The following CHST3 variants were observed in gnomAD, a reference collection of about 807,000 sequenced individuals.
CHST3 encodes the protein C6ST-1.
A neutral mutation model predicts 35.4 loss-of-function variants in CHST3; 20 were observed. The ratio of observed to expected loss-of-function variants is 0.57; its 90% CI spans 0.40 to 0.82. CHST3 has a LOEUF of 0.82. Among genes scored for constraint, CHST3 ranks in the 40% least tolerant of loss-of-function variants. The pLI, the probability that CHST3 is intolerant of heterozygous loss-of-function variation, is 0.00. For missense variants in CHST3, 693 were observed against 670.1 expected (o/e 1.03, Z -0.38); for synonymous variants, 334 against 295.9 (o/e 1.13, Z -1.32).
At chr10:71,979,394 GGGAGAGGGGTTAGATGGCA>G (rs1186845333) in intron 1 of CHST3, among the ~76,000 whole-genome samples, 34 of 152,160 alleles carry the variant, frequency 2.2e-4, no homozygotes, top group African/African-American at 5.5e-4. Context: ...GTTAGATGGC[GGGAGAGGGGTTAGATGGCA>G]GGAGAGGGGT....
intron 1 of CHST3, among the ~76,000 whole-genome samples, chr10:71,988,730 T>C (rs533192437): frequency 6.6e-6 from 1 of 152,184 alleles, no homozygotes; most frequent in African/African-American, 2.4e-5. Context: ...TAATACACCC[T>C]ATCTATACAC....
chr10:72,002,577 T>C (rs970174256), intron 1 of CHST3, among the ~76,000 whole-genome samples: 19 of 152,354 alleles, frequency 1.2e-4, no homozygotes, highest in African/African-American at 4.3e-4. Context: ...TTGCACAGCA[T>C]GGTAGAGACA....
chr10:72,000,837 G>T (rs1046320507), intron 1 of CHST3, among the ~76,000 whole-genome samples: 1 of 152,030 alleles, frequency 6.6e-6, no homozygotes, highest in Non-Finnish European at 1.5e-5. Flanking sequence ...CATAGAAGAG[G>T]CTGGGCCTGA....
Position 72,010,588 on chromosome 10 carries a change from GTTTT to G in CHST3, c.*2122_*2125del, listed in dbSNP as rs1041474641. 6.6e-6 allele frequency: 1 copy of G among 152,050 alleles called. No homozygotes were observed. Among genetic ancestry groups the G allele is most frequent in the African/African-American group, 2.4e-5 (1 of 41,370 alleles). 9.4% of individuals were successfully genotyped at this position (152,050 alleles called of 1,614,324 possible). On this transcript the variant is annotated 3_prime_UTR_variant, in exon 3 of 3. Transcript: ENST00000373115. The stretch of plus-strand genomic sequence containing the variant: ...CATTCAAGGAGGTCTCCACTCTTGG[GTTTT>G]TTTTATTTTCTTTTCTTTTGCTATT...
intron 1 of CHST3, among the ~76,000 whole-genome samples, chr10:71,982,326 G>T (rs1839808338): frequency 6.6e-6 from 1 of 152,350 alleles, no homozygotes; most frequent in East Asian, 1.9e-4. Flanking sequence ...GCCATGGAAA[G>T]CAGATAGCCT....
chr10:71,997,002 T>A (rs547168845), intron 1 of CHST3, among the ~76,000 whole-genome samples: 1 of 152,284 alleles, frequency 6.6e-6, no homozygotes, highest in Admixed American at 6.5e-5. Context: ...AGCAATCTCC[T>A]GCCTCGGCCT....
intron 1 of CHST3, among the ~76,000 whole-genome samples, chr10:71,983,596 A>G (rs1022982355): frequency 1.3e-5 from 2 of 152,080 alleles, no homozygotes; most frequent in Non-Finnish European, 2.9e-5. Flanking sequence ...GATTATAAGC[A>G]CATGCCACGA....
Position 72,005,722 on chromosome 10 carries a change from C to A in CHST3, c.-107-14C>A. On this transcript the variant is annotated splice_polypyrimidine_tract_variant and intron_variant, in intron 1 of 2. Coordinates refer to ENST00000373115, the MANE Select transcript of CHST3 (RefSeq NM_004273.5). ...GTACAGACAAGGGTGTTCTGACCAC[C>A]TGTCTCTCCGCAGGACAAGGGTGTC... is the stretch of plus-strand genomic sequence containing the variant. The A allele has an allele frequency of 8.1e-7, 1 of 1,242,104 alleles. No homozygotes were observed. The allele number at this position is 1,242,104 out of a possible 1,614,324, so 76.9% of individuals were successfully genotyped here.
intron 1 of CHST3, among the ~76,000 whole-genome samples, chr10:71,993,914 AC>A (rs1269943059): frequency 3.3e-5 from 5 of 152,220 alleles, no homozygotes; most frequent in African/African-American, 1.2e-4. Context: ...AGCCTGGCCA[AC>A]ATGATGAAAC....
At chr10:71,987,271 C>T (rs541004790) in intron 1 of CHST3, among the ~76,000 whole-genome samples, 4 of 150,528 alleles carry the variant, frequency 2.7e-5, no homozygotes, top group East Asian at 1.9e-4. Context: ...GAAGTCAGGG[C>T]GGGAGCAGGA....
In CHST3 at chr10:72,008,315, G is replaced by A; in HGVS notation, c.1284G>A (p.Trp428Ter). 1.3e-6 allele frequency: 2 copies of A among 1,580,924 alleles called. No homozygotes were observed. Among genetic ancestry groups the A allele is most frequent in the Non-Finnish European group, 1.7e-6 (2 of 1,164,014 alleles). ...QKNSSEQFEKWRFSMPFKLAQ... is the reference protein window; with the variant it reads ...QKNSSEQFEK ...ACTCCTCGGAGCAGTTCGAGAAGTG[G>A]CGCTTCAGCATGCCCTTCAAGCTGG... The change falls in exon 3 of 3, where the codon TGG becomes TGA. Residue 428 changes from tryptophan (W) to a stop codon, truncating the protein, a stop_gained. Transcript: ENST00000373115. LOFTEE classifies it high-confidence loss of function.
intron 1 of CHST3, among the ~76,000 whole-genome samples, chr10:71,969,699 G>A (rs1256737859): frequency 2.0e-5 from 3 of 152,172 alleles, no homozygotes; most frequent in South Asian, 2.1e-4. Flanking sequence ...GTGGGGAGAA[G>A]CCACCCCACT....
intron 1 of CHST3, among the ~76,000 whole-genome samples, chr10:71,988,342 C>T (rs1839868801): frequency 6.6e-6 from 1 of 152,168 alleles, no homozygotes; most frequent in Non-Finnish European, 1.5e-5. Flanking sequence ...GGATATTTGT[C>T]CGCACCCAAA....
chr10:71,999,841 T>C (rs4148931), intron 1 of CHST3, among the ~76,000 whole-genome samples: 14,649 of 152,286 alleles, frequency 0.096, 718 homozygotes, highest in Admixed American at 0.15. Context: ...AAGCCTCACT[T>C]GCTGGGGCTT....
chr10:71,997,671 T>C (rs1489446936), intron 1 of CHST3, among the ~76,000 whole-genome samples: 1 of 150,366 alleles, frequency 6.7e-6, no homozygotes, highest in Non-Finnish European at 1.5e-5. Context: ...AGAGAGACCC[T>C]GTCTCCATAA....
intron 1 of CHST3, among the ~76,000 whole-genome samples, chr10:71,980,957 G>A (rs1839795898): frequency 6.6e-6 from 1 of 152,210 alleles, no homozygotes; most frequent in South Asian, 2.1e-4. Flanking sequence ...TTTATGCCTA[G>A]CCCTAGTTGA....
Position 72,011,999 on chromosome 10 carries a change from AG to A in CHST3, c.*3530del, listed in dbSNP as rs1840115577. On this transcript the variant is annotated 3_prime_UTR_variant, in exon 3 of 3. Transcript: ENST00000373115. The stretch of plus-strand genomic sequence containing the variant: ...TCACCGAGTTATTTTCCAAAAGCTG[AG>A]GAACATAAAGCAAATTTAGGCTTTT... 1 of 152,364 alleles carries A rather than the reference AG, an allele frequency of 6.6e-6. No homozygotes were observed. Among genetic ancestry groups the A allele is most frequent in the African/African-American group, 2.4e-5 (1 of 41,574 alleles). 9.4% of individuals were successfully genotyped at this position (152,364 alleles called of 1,614,324 possible).
At chr10:71,974,157 T>C (rs926632789) in intron 1 of CHST3, among the ~76,000 whole-genome samples, 1 of 152,250 alleles carries the variant, frequency 6.6e-6, no homozygotes, top group Non-Finnish European at 1.5e-5. Flanking sequence ...GCTATTATTA[T>C]ATAGGTATAT....
At chr10:71,983,134 G>A (rs1839816997) in intron 1 of CHST3, among the ~76,000 whole-genome samples, 1 of 152,228 alleles carries the variant, frequency 6.6e-6, no homozygotes, top group African/African-American at 2.4e-5. Context: ...GTTGTCCCCA[G>A]GTGGAAGAGT....
Sources: gnomAD v4.1 joint callset for allele counts (sites outside exome capture counted in the v4.1 genomes callset) on GRCh38, gnomAD v4.1.1 for gene constraint, MANE v1.5 for transcripts, NCBI Gene and HGNC (gene_info 2026-07-23, HGNC 2026-07-21) for gene names.